ARAP2: variants seen among roughly 807,000 people sequenced by gnomAD.
ARAP2 encodes ArfGAP with RhoGAP domain, ankyrin repeat and PH domain 2.
In ARAP2, 148 loss-of-function variants were observed where a neutral mutation model predicts 194.5. The observed-to-expected ratio is 0.76, with a 90% CI of 0.67 to 0.87. ARAP2 has a LOEUF of 0.87. Among genes scored for constraint, ARAP2 ranks in the 40% least tolerant of loss-of-function variants. The pLI is 0.00. For synonymous variants in ARAP2, 695 were observed against 683.5 expected (o/e 1.02, Z -0.26); for missense variants, 2,128 against 1,989.7 (o/e 1.07, Z -1.32).
At chr4:36,224,593 C>T (rs1308841191) in intron 2 of ARAP2, among the ~76,000 whole-genome samples, 3 of 152,048 alleles carry the variant, frequency 2.0e-5, no homozygotes, top group Non-Finnish European at 4.4e-5. Flanking sequence ...ATACGTTTTT[C>T]AAACAAGATG....
At chr4:36,048,867 C>A (rs533132153) in intron 3 of ARAP2, among the ~76,000 whole-genome samples, 1 of 152,092 alleles carries the variant, frequency 6.6e-6, no homozygotes, top group South Asian at 2.1e-4. Flanking sequence ...TCTGCAGCCT[C>A]ATCAACATCT....
chr4:36,053,469 TC>T (rs2109256180), intron 2 of ARAP2, among the ~76,000 whole-genome samples: 1 of 152,232 alleles, frequency 6.6e-6, no homozygotes, highest in South Asian at 2.1e-4. Context: ...TTTATTACCT[TC>T]CTAGGAAATC....
Position 36,187,534 on chromosome 4 carries a change from A to G in ARAP2, c.1595T>C (p.Ile532Thr). ...YSKGIIPLSA[I>T]STVRVQGDNK... is the part of the protein sequence containing the mutation. ...GTCTCCTTGAACTCGTACTGTTGAT[A>G]TAGCAGAAAGGGGAATTATTCCTTT... Residue 532 changes from isoleucine (I) to threonine (T), a missense_variant, in exon 8 of 33, where the codon ATA becomes ACA. Physicochemically the swap from Ile to Thr is moderately conservative, Grantham distance 89 (BLOSUM62 -1). Coordinates refer to ENST00000303965, the MANE Select transcript of ARAP2 (RefSeq NM_015230.4). The G allele has an allele frequency of 6.4e-7, 1 of 1,569,008 alleles. No homozygotes were observed. The highest frequency in any genetic ancestry group is 1.2e-5 in the South Asian group (1 of 81,240).
chr4:36,156,372 A>AGGGAGGGG (rs1553923201), intron 15 of ARAP2, among the ~76,000 whole-genome samples: 1 of 26,142 alleles, frequency 3.8e-5, no homozygotes, highest in African/African-American at 1.7e-4. Flanking sequence ...GGAGGGAGGG[A>AGGGAGGGG]GGGGGAAAGA....
chr4:36,231,729 G>A (rs1000013071), intron 1 of ARAP2, among the ~76,000 whole-genome samples: 8 of 151,962 alleles, frequency 5.3e-5, no homozygotes, highest in Non-Finnish European at 1.0e-4. Flanking sequence ...CTCCTGATCT[G>A]TCCCTACCCC....
intron 5 of ARAP2, among the ~76,000 whole-genome samples, chr4:36,042,702 AAT>A (rs1721065193): frequency 6.6e-6 from 1 of 152,214 alleles, no homozygotes; most frequent in Admixed American, 6.5e-5. Flanking sequence ...ATACCTTTTA[AAT>A]ATGGTTCAGT....
At chr4:36,082,535 T>G (rs981512795) in intron 29 of ARAP2, among the ~76,000 whole-genome samples, 1 of 152,084 alleles carries the variant, frequency 6.6e-6, no homozygotes, top group Admixed American at 6.6e-5. Context: ...TCTGAGAAGA[T>G]ACTCTTAACT....
chr4:36,044,643 C>T (rs113898370), intron 5 of ARAP2, among the ~76,000 whole-genome samples: 3,384 of 152,078 alleles, frequency 0.022, 141 homozygotes, highest in African/African-American at 0.077. Flanking sequence ...GCAATGATTT[C>T]TTGGATAAAA....
chr4:36,158,211 C>T (rs1199432460), intron 15 of ARAP2, among the ~76,000 whole-genome samples: 1 of 151,948 alleles, frequency 6.6e-6, no homozygotes, highest in East Asian at 1.9e-4. Context: ...TTCCCCAAAC[C>T]TAGAATATAT....
intron 26 of ARAP2, among the ~76,000 whole-genome samples, chr4:36,111,127 T>A (rs1719875354): frequency 6.6e-6 from 1 of 151,942 alleles, no homozygotes; most frequent in Non-Finnish European, 1.5e-5. Flanking sequence ...CATTCTGGCT[T>A]ACATATTTAT....
rs73806477 is a variant in ARAP2 at position 36,123,641 on chromosome 4, T to G, written c.3746+1221A>C. ...TCACCAGAAACTCAACAAAACTGTT[T>G]CCTAGTTAGTTTATCTGTCTCTATG... On this transcript the variant is annotated intron_variant, in intron 22 of 32. Transcript: ENST00000303965. Among the ~76,000 whole-genome samples, 806 of 151,874 alleles carry G rather than the reference T, an allele frequency of 5.3e-3. 11 individuals carry two copies. The highest frequency in any genetic ancestry group is 0.018 in the African/African-American group (760 of 41,510).
chr4:36,097,024 T>C (rs1424413870), intron 27 of ARAP2, among the ~76,000 whole-genome samples: 1 of 152,154 alleles, frequency 6.6e-6, no homozygotes, highest in Non-Finnish European at 1.5e-5. Context: ...GTACTTTTCA[T>C]TTACATTTTT....
At chr4:36,069,152 C>T (rs973264083) in intron 32 of ARAP2, among the ~76,000 whole-genome samples, 1 of 152,012 alleles carries the variant, frequency 6.6e-6, no homozygotes, top group African/African-American at 2.4e-5. Context: ...CAGTATACAA[C>T]ACTGTTCTAT....
intron 2 of ARAP2, among the ~76,000 whole-genome samples, chr4:36,216,560 T>G (rs1159268973): frequency 6.6e-6 from 1 of 151,982 alleles, no homozygotes; most frequent in Non-Finnish European, 1.5e-5. Flanking sequence ...CTATTAACAA[T>G]CCTACCAAAA....
chr4:36,097,900 ATGTAT>A (rs1166077022), intron 27 of ARAP2, among the ~76,000 whole-genome samples: 3 of 152,076 alleles, frequency 2.0e-5, no homozygotes, highest in Non-Finnish European at 1.5e-5. Flanking sequence ...CAAAACAAAC[ATGTAT>A]TGTAAGTTAT....
At chr4:36,193,526 A>T in intron 7 of ARAP2, 52 bp downstream of exon 7, 1 of 1,221,386 alleles carries the variant, frequency 8.2e-7, no homozygotes, top group African/African-American at 1.5e-5. Flanking sequence ...TGCTTATTTT[A>T]CTCTTCGTAT....
intron 6 of ARAP2, among the ~76,000 whole-genome samples, chr4:36,197,476 A>G (rs1743376498): frequency 6.6e-6 from 1 of 152,264 alleles, no homozygotes; most frequent in Admixed American, 6.5e-5. Context: ...AACACTTTGT[A>G]AAACTACTGT....
chr4:36,166,100 C>G (rs962098664), intron 10 of ARAP2, among the ~76,000 whole-genome samples: 1 of 152,036 alleles, frequency 6.6e-6, no homozygotes, highest in African/African-American at 2.4e-5. Flanking sequence ...TAATTTTATG[C>G]AACCATTTCT....
intron 5 of ARAP2, among the ~76,000 whole-genome samples, chr4:36,034,046 G>T (rs950711943): frequency 6.6e-6 from 1 of 152,064 alleles, no homozygotes; most frequent in East Asian, 1.9e-4. Context: ...TTTGGTCACT[G>T]TAGCAATGTA....
Sources: allele counts gnomAD v4.1 joint callset (sites outside exome capture counted in the v4.1 genomes callset), GRCh38; gene constraint gnomAD v4.1.1; transcripts MANE v1.5; gene names NCBI Gene and HGNC (gene_info 2026-07-23, HGNC 2026-07-21).